Variants in ROBO2 observed in about 807,000 individuals in gnomAD.
ROBO2 encodes the protein roundabout guidance receptor 2, also known as roundabout homolog 2.
A neutral mutation model predicts 160.8 loss-of-function variants in ROBO2; 53 were observed. That is an observed-to-expected ratio of 0.33 (90% CI 0.26 to 0.41). The LOEUF is 0.41. Ranked by LOEUF, ROBO2 falls within the 10% of genes least tolerant of loss-of-function variation. ROBO2 has a pLI of 1.00. For missense variants in ROBO2, 1,577 were observed against 1,722.4 expected (o/e 0.92, Z 1.49); for synonymous variants, 664 against 611.7 (o/e 1.09, Z -1.26).
intron 2 of ROBO2, among the ~76,000 whole-genome samples, chr3:77,143,975 T>C (rs77654991): frequency 0.016 from 2,490 of 152,308 alleles, 27 homozygotes; most frequent in African/African-American, 0.027. Flanking sequence ...ACACGTGCTA[T>C]TCTTAAAATA....
At chr3:77,117,466 A>G (rs955533225) in intron 2 of ROBO2, among the ~76,000 whole-genome samples, 3 of 152,202 alleles carry the variant, frequency 2.0e-5, no homozygotes, top group African/African-American at 7.2e-5. Context: ...AGGGAGTTCT[A>G]GTAATAAAGA....
intron 2 of ROBO2, among the ~76,000 whole-genome samples, chr3:77,322,757 A>T (rs2064857368): frequency 7.2e-6 from 1 of 139,066 alleles, no homozygotes; most frequent in Non-Finnish European, 1.5e-5. Context: ...ATTTATATAT[A>T]ATATATTATA....
rs549065245 is a variant in ROBO2 at position 75,920,612 on chromosome 3, A to G, written c.-14+13652A>G. Reference sequence around the variant, plus strand: ...AATTTCCTGTCCTGTTGATCTGTCTAATATTGATAGTGGGTTGTTAAAGTT... The same window carrying G: ...AATTTCCTGTCCTGTTGATCTGTCTGATATTGATAGTGGGTTGTTAAAGTT... On this transcript the variant is annotated intron_variant, in intron 1 of 26. Transcript: ENST00000487694. 1.4e-4 allele frequency among the ~76,000 whole-genome samples: 22 copies of G among 152,216 alleles called. No homozygotes were observed. In the South Asian group the frequency reaches 4.6e-3, roughly 32 times the overall value.
chr3:76,258,267 ATGT>A (rs1466259771), intron 2 of ROBO2, among the ~76,000 whole-genome samples: 1 of 151,816 alleles, frequency 6.6e-6, no homozygotes, highest in East Asian at 1.9e-4. Flanking sequence ...TTGATATTTG[ATGT>A]TCACATTAAT....
intron 2 of ROBO2, among the ~76,000 whole-genome samples, chr3:76,821,322 A>G (rs1429005025): frequency 6.6e-6 from 1 of 151,976 alleles, no homozygotes; most frequent in Admixed American, 6.6e-5. Flanking sequence ...TTTCCTTTAC[A>G]TAGTTCAACA....
intron 2 of ROBO2, among the ~76,000 whole-genome samples, chr3:76,154,208 A>C (rs1351610600): frequency 6.6e-6 from 1 of 152,134 alleles, no homozygotes; most frequent in Non-Finnish European, 1.5e-5. Flanking sequence ...TCCTCAGAAA[A>C]AGAATGTGAT....
At chr3:76,470,026 A>G (rs1344776013) in intron 2 of ROBO2, among the ~76,000 whole-genome samples, 1 of 152,124 alleles carries the variant, frequency 6.6e-6, no homozygotes, top group Non-Finnish European at 1.5e-5. Flanking sequence ...CCCTCTACAC[A>G]CAGGTCCTGT....
chr3:76,853,761 G>T (rs7428524), intron 2 of ROBO2, among the ~76,000 whole-genome samples: 2 of 152,080 alleles, frequency 1.3e-5, no homozygotes, highest in Non-Finnish European at 1.5e-5. Flanking sequence ...CGTTTGTTCT[G>T]TCTCAGTATA....
At chr3:76,789,654 G>T (rs2063221228) in intron 2 of ROBO2, among the ~76,000 whole-genome samples, 2 of 151,668 alleles carry the variant, frequency 1.3e-5, no homozygotes, top group African/African-American at 2.4e-5. Flanking sequence ...TTCATAAACT[G>T]TAGTGAGAGC....
intron 2 of ROBO2, among the ~76,000 whole-genome samples, chr3:77,334,736 GTA>G (rs111657603): frequency 6.7e-6 from 1 of 150,278 alleles, no homozygotes; most frequent in Non-Finnish European, 1.5e-5. Context: ...TTCAGGAACT[GTA>G]TATATATATA....
chr3:76,217,786 G>A (rs62267430), intron 2 of ROBO2, among the ~76,000 whole-genome samples: 49,418 of 152,042 alleles, frequency 0.33, 8,933 homozygotes, highest in Non-Finnish European at 0.4. Flanking sequence ...AATAGAAAAA[G>A]AGGGAATCCT....
chr3:76,705,213 C>CT lies in ROBO2; in HGVS notation c.110-392799dup. Among the ~76,000 whole-genome samples, 3 of 152,188 alleles carry CT rather than the reference C, an allele frequency of 2.0e-5. No individual in the cohort carries two copies. In the East Asian group the frequency reaches 5.8e-4, roughly 29 times the overall value. On this transcript the variant is annotated intron_variant, in intron 2 of 26. Transcript: ENST00000487694. ...GTACTTTTAGCTCTGTGATAAATGCCTTATAATTCTTCATATTGAAAAACA... is the reference window on the plus strand; with the variant it reads ...GTACTTTTAGCTCTGTGATAAATGCCTTTATAATTCTTCATATTGAAAAACA...
chr3:75,940,218 CAAAA>C (rs1328046905), intron 2 of ROBO2, among the ~76,000 whole-genome samples: 1 of 151,924 alleles, frequency 6.6e-6, no homozygotes, highest in South Asian at 2.1e-4. Flanking sequence ...AAACGGAAGA[CAAAA>C]AACGATTTAA....
Position 76,376,658 on chromosome 3 carries a change from C to G in ROBO2, c.109+439056C>G, listed in dbSNP as rs561431364. On this transcript the variant is annotated intron_variant, in intron 2 of 26. Coordinates refer to the ROBO2 transcript ENST00000487694. Reference sequence around the variant, plus strand: ...AAAAGAAAGTCTTTATTTTGCCAGGCTGGCCAGCAAGGGCACAGGTGATGC... The same window carrying G: ...AAAAGAAAGTCTTTATTTTGCCAGGGTGGCCAGCAAGGGCACAGGTGATGC... Among the ~76,000 whole-genome samples, 40 of 152,160 alleles carry G rather than the reference C, an allele frequency of 2.6e-4. 1 individual carries two copies. Among genetic ancestry groups the G allele is most frequent in the African/African-American group, 9.6e-4 (40 of 41,526 alleles).
chr3:75,928,861 CGTGTGTGT>C (rs60525375), intron 1 of ROBO2, among the ~76,000 whole-genome samples: 2,046 of 109,046 alleles, frequency 0.019, 50 homozygotes, highest in Admixed American at 0.053. Flanking sequence ...CTGGATAAGA[CGTGTGTGT>C]GTGTGTGTGT....
At chr3:77,134,030 G>A (rs991675317) in intron 2 of ROBO2, among the ~76,000 whole-genome samples, 9 of 152,024 alleles carry the variant, frequency 5.9e-5, no homozygotes, top group African/African-American at 2.2e-4. Context: ...TACAAAATTA[G>A]CCAGGTGCGG....
intron 2 of ROBO2, among the ~76,000 whole-genome samples, chr3:76,642,171 C>T (rs1054632417): frequency 6.6e-6 from 1 of 152,060 alleles, no homozygotes; most frequent in Non-Finnish European, 1.5e-5. Context: ...CATAGCATCA[C>T]TCTCTTTTAC....
intron 2 of ROBO2, among the ~76,000 whole-genome samples, chr3:77,342,967 G>A (rs554391241): frequency 1.3e-5 from 2 of 152,192 alleles, no homozygotes; most frequent in South Asian, 4.1e-4. Flanking sequence ...TGAGGTACAG[G>A]CACGGTCAGG....
At chr3:76,215,571 T>G (rs1383854168) in intron 2 of ROBO2, among the ~76,000 whole-genome samples, 1 of 151,896 alleles carries the variant, frequency 6.6e-6, no homozygotes, top group Non-Finnish European at 1.5e-5. Flanking sequence ...CAATGGAAGA[T>G]GAAATGAATG....
Sources: allele counts gnomAD v4.1 joint callset (sites outside exome capture counted in the v4.1 genomes callset), GRCh38; gene constraint gnomAD v4.1.1; transcripts MANE v1.5; gene names NCBI Gene and HGNC (gene_info 2026-07-23, HGNC 2026-07-21).